Variants in SUSD6 observed in about 807,000 individuals in gnomAD.
The protein encoded by SUSD6 is sushi domain containing 6.
SUSD6 carries 16 observed loss-of-function variants against 28.4 expected under a neutral mutation model. The observed-to-expected ratio is 0.56, with a 90% CI of 0.38 to 0.86. The LOEUF (loss-of-function observed/expected upper bound fraction) is 0.86. Ranked by LOEUF, SUSD6 falls within the 40% of genes least tolerant of loss-of-function variation. The pLI, the probability that SUSD6 is intolerant of heterozygous loss-of-function variation, is 0.00. For synonymous variants in SUSD6, 147 were observed against 159.6 expected (o/e 0.92, Z 0.59); for missense variants, 341 against 384.2 (o/e 0.89, Z 0.94).
chr14:69,700,206 A>G (rs1406347514), intron 2 of SUSD6, among the ~76,000 whole-genome samples: 1 of 152,178 alleles, frequency 6.6e-6, no homozygotes, highest in African/African-American at 2.4e-5. Context: ...TTAGAAAAGA[A>G]ATGATTTTGA....
intron 1 of SUSD6, among the ~76,000 whole-genome samples, chr14:69,630,816 G>A (rs1259609490): frequency 6.6e-6 from 1 of 152,124 alleles, no homozygotes; most frequent in African/African-American, 2.4e-5. Context: ...CATTTTTTGA[G>A]GCAACTTCTA....
At chr14:69,703,367 T>G (rs1389905788) in intron 2 of SUSD6, 28 bp from the exon 3 acceptor site, 1 of 1,590,384 alleles carries the variant, frequency 6.3e-7, no homozygotes, top group African/African-American at 1.3e-5. Flanking sequence ...CTCACCACTG[T>G]ACCCCTGCTC....
chr14:69,684,268 T>A (rs1798170324), intron 2 of SUSD6, among the ~76,000 whole-genome samples: 1 of 152,216 alleles, frequency 6.6e-6, no homozygotes, highest in South Asian at 2.1e-4. Flanking sequence ...TTTGCTGATA[T>A]TGGGTGTTAC....
chr14:69,629,549 G>A (rs1219382576), intron 1 of SUSD6, among the ~76,000 whole-genome samples: 1 of 152,174 alleles, frequency 6.6e-6, no homozygotes, highest in African/African-American at 2.4e-5. Context: ...TTGTTAAGGG[G>A]CACTTCTGCT....
intron 1 of SUSD6, among the ~76,000 whole-genome samples, chr14:69,642,378 A>G (rs928875658): frequency 6.6e-6 from 1 of 152,178 alleles, no homozygotes; most frequent in Non-Finnish European, 1.5e-5. Context: ...TGGTGGGAGC[A>G]TGTATTAGTC....
At chr14:69,645,795 G>T (rs1271141864) in intron 1 of SUSD6, among the ~76,000 whole-genome samples, 1 of 151,390 alleles carries the variant, frequency 6.6e-6, no homozygotes, top group Non-Finnish European at 1.5e-5. Context: ...TGTCACCCAG[G>T]CTGGAGTGCA....
chr14:69,612,795 C>G (rs1471098115), intron 1 of SUSD6, among the ~76,000 whole-genome samples: 1 of 152,194 alleles, frequency 6.6e-6, no homozygotes, highest in Non-Finnish European at 1.5e-5. Context: ...TAAGATTACT[C>G]AGTTCAATTA....
intron 1 of SUSD6, among the ~76,000 whole-genome samples, chr14:69,612,030 C>T (rs906880086): frequency 5.4e-5 from 8 of 149,224 alleles, no homozygotes; most frequent in Non-Finnish European, 1.0e-4. Flanking sequence ...GGGAGCCCCG[C>T]GCTGGCGTGG....
chr14:69,703,940 T>G (rs553403038), intron 3 of SUSD6: 1 of 260,282 alleles, frequency 3.8e-6, no homozygotes, highest in African/African-American at 2.2e-5. Context: ...TCCATTTCAT[T>G]TTTCCTTGAA....
intron 1 of SUSD6, among the ~76,000 whole-genome samples, chr14:69,652,097 C>CT (rs1885513527): frequency 6.6e-6 from 1 of 152,136 alleles, no homozygotes; most frequent in Non-Finnish European, 1.5e-5. Flanking sequence ...CTAGATTAGT[C>CT]TGAGGCAAGA....
chr14:69,642,027 A>G lies in SUSD6; in HGVS notation c.-80-16486A>G, dbSNP rs185884491. 2.2e-3 allele frequency among the ~76,000 whole-genome samples: 329 copies of G among 152,164 alleles called. 1 individual carries two copies. Among genetic ancestry groups the G allele is most frequent in the Middle Eastern group, 0.02 (6 of 294 alleles). On this transcript the variant is annotated intron_variant, in intron 1 of 5. Coordinates refer to ENST00000342745, the MANE Select transcript of SUSD6 (RefSeq NM_014734.4). ...TTGTCTACTAGTTCTGTCATCTGTC[A>G]TTTCTTGATCTGTTTCTGTTGTTTG...
intron 1 of SUSD6, among the ~76,000 whole-genome samples, chr14:69,626,005 C>T (rs1214507672): frequency 6.6e-6 from 1 of 152,166 alleles, no homozygotes; most frequent in Non-Finnish European, 1.5e-5. Context: ...GCTCCCAGAA[C>T]AATCTGCCTG....
chr14:69,625,957 C>T (rs2139594092), intron 1 of SUSD6, among the ~76,000 whole-genome samples: 1 of 152,324 alleles, frequency 6.6e-6, no homozygotes, highest in South Asian at 2.1e-4. Flanking sequence ...AGGCCTCTCT[C>T]CCTATACCAC....
In SUSD6 at chr14:69,706,651, T is replaced by C. The variant is rs557654307; in HGVS notation, c.458+1909T>C. Among the ~76,000 whole-genome samples the C allele has an allele frequency of 5.3e-5, 8 of 152,168 alleles. No homozygotes were observed. In the East Asian group the frequency reaches 9.7e-4, roughly 18 times the overall value. On this transcript the variant is annotated intron_variant, in intron 4 of 5. Coordinates refer to ENST00000342745, the MANE Select transcript of SUSD6 (RefSeq NM_014734.4). ...AATTTTTTTGTATTTTTTATAGATA[T>C]GGGTTTCGCCACATTGCCAGGCTGG... is the stretch of plus-strand genomic sequence containing the variant.
chr14:69,650,110 C>T (rs998312378), intron 1 of SUSD6, among the ~76,000 whole-genome samples: 12 of 152,110 alleles, frequency 7.9e-5, no homozygotes, highest in African/African-American at 2.7e-4. Context: ...GTGGGAGGCT[C>T]ACTTGTTTAA....
chr14:69,643,250 G>A (rs1041691324), intron 1 of SUSD6, among the ~76,000 whole-genome samples: 4 of 152,188 alleles, frequency 2.6e-5, no homozygotes, highest in African/African-American at 9.7e-5. Context: ...TTCCTCAGCT[G>A]TCCCTCAAAT....
At chr14:69,705,627 A>G (rs1886377639) in intron 4 of SUSD6, among the ~76,000 whole-genome samples, 1 of 152,184 alleles carries the variant, frequency 6.6e-6, no homozygotes. Context: ...CTCCATTCCC[A>G]TTCTGATTTA....
chr14:69,644,999 C>A (rs1885406623), intron 1 of SUSD6, among the ~76,000 whole-genome samples: 1 of 152,182 alleles, frequency 6.6e-6, no homozygotes, highest in Admixed American at 6.5e-5. Context: ...TCCTACTTCT[C>A]ATTTTTGCTT....
chr14:69,671,040 T>A (rs1262812797), intron 2 of SUSD6, among the ~76,000 whole-genome samples: 1 of 152,232 alleles, frequency 6.6e-6, no homozygotes, highest in African/African-American at 2.4e-5. Context: ...GGATTTAGGT[T>A]GAGCACACCA....
Sources: gnomAD v4.1 joint callset for allele counts (sites outside exome capture counted in the v4.1 genomes callset) on GRCh38, gnomAD v4.1.1 for gene constraint, MANE v1.5 for transcripts, NCBI Gene and HGNC (gene_info 2026-07-23, HGNC 2026-07-21) for gene names.